Variants in SLC38A11 observed in about 807,000 individuals in gnomAD.
The protein encoded by SLC38A11 is solute carrier family 38 member 11.
Under a neutral mutation model 49.4 loss-of-function variants are expected in SLC38A11, and 51 were observed. The ratio of observed to expected loss-of-function variants is 1.03; its 90% CI spans 0.83 to 1.30. SLC38A11 has a LOEUF of 1.30. SLC38A11 is among the 50% of genes most tolerant of loss of function. The pLI, the probability that SLC38A11 is intolerant of heterozygous loss-of-function variation, is 0.00. For synonymous variants in SLC38A11, 203 were observed against 192.9 expected (o/e 1.05, Z -0.43); for missense variants, 574 against 556.2 (o/e 1.03, Z -0.32).
intron 11 of SLC38A11, among the ~76,000 whole-genome samples, chr2:164,900,393 C>G (rs1684577244): frequency 6.6e-6 from 1 of 152,022 alleles, no homozygotes; most frequent in Non-Finnish European, 1.5e-5. Context: ...CCCATATTGA[C>G]TATTCCAATG....
intron 7 of SLC38A11, among the ~76,000 whole-genome samples, chr2:164,930,379 G>T (rs10209355): frequency 0.069 from 10,499 of 151,980 alleles, 1,189 homozygotes; most frequent in African/African-American, 0.24. Context: ...GAGGAGGAGG[G>T]GCTCCTCCCT....
At chr2:164,935,262 C>T (rs1687283713) in intron 7 of SLC38A11, among the ~76,000 whole-genome samples, 1 of 151,088 alleles carries the variant, frequency 6.6e-6, no homozygotes, top group Admixed American at 6.6e-5. Flanking sequence ...AGGCCTCTCT[C>T]TGCTTTTTCT....
At chr2:164,914,579 C>A (rs566035172) in intron 9 of SLC38A11, among the ~76,000 whole-genome samples, 6 of 151,238 alleles carry the variant, frequency 4.0e-5, no homozygotes, top group Non-Finnish European at 7.4e-5. Context: ...GAAGAGAAAA[C>A]AATATGCTTG....
At position 164,898,749 on chromosome 2, in the gene SLC38A11, A is replaced by G. The variant is rs1684467560; in HGVS notation, c.1096-19T>C. ...GCACACCCTGCATGTTGAAAACAAG[A>G]AACAAGATAATGTCACTAGATGGAA... is the stretch of plus-strand genomic sequence containing the variant. On this transcript the variant is annotated intron_variant, in intron 11 of 11. Transcript: ENST00000685975. The G allele has an allele frequency of 6.3e-7, 1 of 1,593,498 alleles. No individual in the cohort carries two copies. Among genetic ancestry groups the G allele is most frequent in the Non-Finnish European group, 8.6e-7 (1 of 1,168,016 alleles).
intron 3 of SLC38A11, 57 bp from the exon 4 acceptor site, chr2:164,945,784 G>T (rs1688065897): frequency 1.3e-6 from 2 of 1,550,180 alleles, no homozygotes; most frequent in Non-Finnish European, 1.7e-6. Context: ...TATTTTTCAT[G>T]TTTTAACTTA....
chr2:164,944,820 A>G (rs1024076007), intron 4 of SLC38A11, among the ~76,000 whole-genome samples, 186 bp from the exon 5 acceptor site: 3 of 152,178 alleles, frequency 2.0e-5, no homozygotes, highest in Non-Finnish European at 4.4e-5. Context: ...TAGAGTATCA[A>G]TTTGTATTAA....
Position 164,896,539 on chromosome 2 carries a change from T to C in SLC38A11, c.*1898A>G, listed in dbSNP as rs546781158. On this transcript the variant is annotated 3_prime_UTR_variant, in exon 12 of 12. Coordinates refer to ENST00000685975, the MANE Select transcript of SLC38A11 (RefSeq NM_001351537.2). ...ATGTAATGACAGACTGTGGCAAAAA[T>C]TTCTTACATTTCCTCATTTCTTACA... 61 of 152,258 alleles carry C rather than the reference T, an allele frequency of 4.0e-4. No homozygotes were observed. Among genetic ancestry groups the C allele is most frequent in the African/African-American group, 1.4e-3 (58 of 41,566 alleles). 9.4% of individuals were successfully genotyped at this position (152,258 alleles called of 1,614,324 possible).
intron 7 of SLC38A11, 75 bp downstream of exon 7, chr2:164,937,275 T>G: frequency 3.1e-6 from 3 of 962,982 alleles, no homozygotes; most frequent in Admixed American, 1.9e-5. Context: ...ACTTTATATT[T>G]CTGCATTTAT....
intron 3 of SLC38A11, among the ~76,000 whole-genome samples, chr2:164,946,491 A>T (rs1291617609): frequency 6.7e-6 from 1 of 150,052 alleles, no homozygotes. Flanking sequence ...GCTCAAATCC[A>T]GGAGGCAGAA....
chr2:164,907,270 CTTTTT>C lies in SLC38A11; in HGVS notation c.1095+1365_1095+1369del, dbSNP rs60527900. 3.3e-3 allele frequency among the ~76,000 whole-genome samples: 319 copies of C among 97,916 alleles called. 2 individuals are homozygous for C. The highest frequency in any genetic ancestry group is 0.014 in the Middle Eastern group (2 of 138). The allele number at this position is 97,916 out of a possible 152,430, so 64.2% of individuals were successfully genotyped here. A position where few individuals can be genotyped will look rare whatever the true frequency, so the allele number is the denominator to read the frequency against. ...TCCATTTCCCTCTGTCTTCTTTTCTCTTTTTTTTTTTTTTTTTTTTTGAGACCGGG... is the reference window on the plus strand; with the variant it reads ...TCCATTTCCCTCTGTCTTCTTTTCTCTTTTTTTTTTTTTTTTGAGACCGGG... On this transcript the variant is annotated intron_variant, in intron 11 of 11. Transcript: ENST00000685975.
At chr2:164,916,998 T>C (rs1337217913) in intron 7 of SLC38A11, among the ~76,000 whole-genome samples, 1 of 151,996 alleles carries the variant, frequency 6.6e-6, no homozygotes, top group Non-Finnish European at 1.5e-5. Context: ...TTAAATGAGA[T>C]AAAATATGTA....
At chr2:164,905,116 A>C (rs765565707) in intron 11 of SLC38A11, among the ~76,000 whole-genome samples, 3 of 142,818 alleles carry the variant, frequency 2.1e-5, no homozygotes, top group South Asian at 2.1e-4. Flanking sequence ...TATTATTATT[A>C]TTCTTTTTTT....
chr2:164,895,523 A>G lies in SLC38A11; in HGVS notation c.*2914T>C, dbSNP rs1684366184. On this transcript the variant is annotated 3_prime_UTR_variant, in exon 12 of 12. Transcript: ENST00000685975. ...GGAGGAGACCTGTTCTCTTCAATAA[A>G]TGTATCTTTAATTAAGTAGATGTGT... 6.6e-6 allele frequency among the ~76,000 whole-genome samples: 1 copy of G among 152,186 alleles called. No individual in the cohort carries two copies. The highest frequency in any genetic ancestry group is 1.5e-5 in the Non-Finnish European group (1 of 68,034).
chr2:164,926,805 T>C (rs1032993294), intron 7 of SLC38A11, among the ~76,000 whole-genome samples: 1 of 139,692 alleles, frequency 7.2e-6, no homozygotes, highest in Non-Finnish European at 1.5e-5. Flanking sequence ...TAGGTGGGAA[T>C]TGAACAATGA....
rs759450617 is a variant in SLC38A11 at position 164,897,605 on chromosome 2, G to A, written c.*832C>T. The A allele has an allele frequency of 6.6e-6, 1 of 152,188 alleles. No individual in the cohort carries two copies. The highest frequency in any genetic ancestry group is 1.5e-5 in the Non-Finnish European group (1 of 68,076). The allele number at this position is 152,188 out of a possible 1,614,324, so 9.4% of individuals were successfully genotyped here. A position where few individuals can be genotyped will look rare whatever the true frequency, so the allele number is the denominator to read the frequency against. On this transcript the variant is annotated 3_prime_UTR_variant, in exon 12 of 12. Transcript: ENST00000685975. Reference sequence around the variant, plus strand: ...CCAGTGGACTGAGAAAGCTTCTTCTGTAGCCCTGATTCTTCTTACACGTTT... The same window carrying A: ...CCAGTGGACTGAGAAAGCTTCTTCTATAGCCCTGATTCTTCTTACACGTTT...
chr2:164,955,035 G>T (rs1688756384), intron 1 of SLC38A11, among the ~76,000 whole-genome samples, 174 bp downstream of exon 1: 1 of 110,722 alleles, frequency 9.0e-6, no homozygotes, highest in South Asian at 3.8e-4. Flanking sequence ...AAATTAAAGT[G>T]CCTGCTAAGA....
chr2:164,934,578 T>C (rs75161524), intron 7 of SLC38A11, among the ~76,000 whole-genome samples: 1 of 152,182 alleles, frequency 6.6e-6, no homozygotes, highest in East Asian at 1.9e-4. Context: ...TGCTTTACAC[T>C]GTTCTCCCGT....
chr2:164,954,854 G>T, intron 1 of SLC38A11, 109 bp from the exon 2 acceptor site: 1 of 565,902 alleles, frequency 1.8e-6, no homozygotes, highest in East Asian at 2.9e-5. Context: ...AATAAGTAAT[G>T]TCACTAATGA....
At chr2:164,940,024 G>A (rs1687648402) in intron 5 of SLC38A11, among the ~76,000 whole-genome samples, 1 of 145,438 alleles carries the variant, frequency 6.9e-6, no homozygotes, top group Non-Finnish European at 1.5e-5. Flanking sequence ...ATACGCAAGA[G>A]ACTTGGACAC....
Sources: gnomAD v4.1 joint callset for allele counts (sites outside exome capture counted in the v4.1 genomes callset) on GRCh38, gnomAD v4.1.1 for gene constraint, MANE v1.5 for transcripts, NCBI Gene and HGNC (gene_info 2026-07-23, HGNC 2026-07-21) for gene names.